RYR1: variants seen among roughly 807,000 people sequenced by gnomAD.
RYR1 encodes the protein central core disease of muscle.
In RYR1, 342 loss-of-function variants were observed where a neutral mutation model predicts 583.5. That is an observed-to-expected ratio of 0.59 (90% CI 0.54 to 0.64). RYR1 has a LOEUF of 0.64. RYR1 is among the 30% of genes least tolerant of loss of function. The probability of loss-of-function intolerance (pLI) is 0.00; values close to 1 mark genes in which losing one functional copy is unlikely to be tolerated. For synonymous variants in RYR1, 2,791 were observed against 2,822.5 expected, an observed-to-expected ratio of 0.99 and a Z score of 0.35; for missense variants, 6,032 against 6,917.2, an observed-to-expected ratio of 0.87 and a Z score of 4.54.
chr19:38,443,894 C>A, intron 5 of RYR1, 98 bp downstream of exon 5: 2 of 1,150,654 alleles, frequency 1.7e-6, no homozygotes, highest in South Asian at 1.2e-5. Flanking sequence ...ATGAGACTAC[C>A]CTGGGGACAT....
chr19:38,528,527 C>T (rs928072252), intron 74 of RYR1, 72 bp from the exon 75 acceptor site: 1 of 1,595,338 alleles, frequency 6.3e-7, no homozygotes, highest in African/African-American at 1.3e-5. Flanking sequence ...TGGTTGGGGG[C>T]TGCAGGCGCA....
Position 38,532,829 on chromosome 19 carries a change from C to T in RYR1, c.11259+93C>T. ...TTCAGCATGTGTTCACAGAGCAAAGCTCTGGGGACACAGCAGTGACCAAGT... is the reference window on the plus strand; with the variant it reads ...TTCAGCATGTGTTCACAGAGCAAAGTTCTGGGGACACAGCAGTGACCAAGT... On this transcript the variant is annotated intron_variant, in intron 78 of 105. Coordinates refer to ENST00000359596, the MANE Select transcript of RYR1 (RefSeq NM_000540.3). 4.5e-6 allele frequency: 6 copies of T among 1,338,612 alleles called. No homozygotes were observed. In the South Asian group the frequency reaches 6.1e-5, roughly 14 times the overall value. The allele number at this position is 1,338,612 out of a possible 1,614,324, so 82.9% of individuals were successfully genotyped here. A position where few individuals can be genotyped will look rare whatever the true frequency, so the allele number is the denominator to read the frequency against.
At chr19:38,505,480 C>G in intron 53 of RYR1, 82 bp downstream of exon 53, 1 of 998,744 alleles carries the variant, frequency 1.0e-6, no homozygotes, top group East Asian at 2.6e-5. Context: ...GAGGCAATTT[C>G]ACATGTTTGC....
Position 38,496,818 on chromosome 19 carries a change from C to CAAGCAGGAGTGAGAT in RYR1, c.6797-41_6797-27dup. The stretch of plus-strand genomic sequence containing the variant: ...GGAGGGCTTCCCAGAGGAGGCGAGA[C>CAAGCAGGAGTGAGAT]AAGCAGGAGTGAGATGTTCTCCCCA... On this transcript the variant is annotated intron_variant, in intron 41 of 105. Coordinates refer to ENST00000359596, the MANE Select transcript of RYR1 (RefSeq NM_000540.3). This position sits in a 1 kb window ranked among gnomAD's most constrained non-coding sequence, Gnocchi z 4.8. The CAAGCAGGAGTGAGAT allele has an allele frequency of 6.4e-7, 1 of 1,570,652 alleles. No individual in the cohort carries two copies. The highest frequency in any genetic ancestry group is 8.8e-7 in the Non-Finnish European group (1 of 1,141,300).
At chr19:38,456,496 G>A (rs1298639593) in intron 16 of RYR1, among the ~76,000 whole-genome samples, 4 of 151,532 alleles carry the variant, frequency 2.6e-5, no homozygotes, top group African/African-American at 9.7e-5. Flanking sequence ...TGGCCAGTCT[G>A]GTCTCGAACT....
rs1322835051 is a variant in RYR1 at position 38,458,047 on chromosome 19, G to T, written c.1926-4G>T. 1 of 1,613,144 alleles carries T rather than the reference G, an allele frequency of 6.2e-7. No individual in the cohort carries two copies. Among genetic ancestry groups the T allele is most frequent in the Non-Finnish European group, 8.5e-7 (1 of 1,179,976 alleles). ...CCCCCTCTCCTGTCCCATCTCTCCT[G>T]CAGCATCCGCCCCAACATCTTTGTG... On this transcript the variant is annotated splice_polypyrimidine_tract_variant and splice_region_variant and intron_variant, in intron 17 of 105. Transcript: ENST00000359596.
chr19:38,536,874 A>C (rs1314127927), intron 83 of RYR1, 107 bp downstream of exon 83: 14 of 1,255,274 alleles, frequency 1.1e-5, no homozygotes, highest in Non-Finnish European at 1.6e-5. Context: ...GAGGGGAGGG[A>C]GGGACCCTTC....
intron 48 of RYR1, 73 bp downstream of exon 48, chr19:38,502,800 G>T: frequency 1.9e-6 from 2 of 1,075,498 alleles, no homozygotes; most frequent in Non-Finnish European, 2.4e-6. Flanking sequence ...GGCAGGGGCA[G>T]GGGCAGGGGG....
In RYR1 at chr19:38,584,230, C is replaced by T. The variant is rs569586518; in HGVS notation, c.14647-713C>T. Among the ~76,000 whole-genome samples the T allele has an allele frequency of 2.5e-4, 38 of 150,556 alleles. 3 individuals carry two copies. The highest frequency in any genetic ancestry group is 1.5e-4 in the African/African-American group (6 of 40,860). On this transcript the variant is annotated intron_variant, in intron 101 of 105. Coordinates refer to ENST00000359596, the MANE Select transcript of RYR1 (RefSeq NM_000540.3). ...CAGCCTCGACCCTCTGCCTGTGCCC[C>T]TCCCATCCTCGCCCTCACCCTTCTG...
chr19:38,506,517 GGAA>G lies in RYR1; in HGVS notation c.8671_8673del (p.Lys2891del), dbSNP rs749625709. 3 of 1,614,070 alleles carry G rather than the reference GGAA, an allele frequency of 1.9e-6. No individual in the cohort carries two copies. The highest frequency in any genetic ancestry group is 2.2e-5 in the South Asian group (2 of 91,078). On this transcript the variant is annotated inframe_deletion, in exon 56 of 106. Coordinates refer to ENST00000359596, the MANE Select transcript of RYR1 (RefSeq NM_000540.3). ...GAAAATTACCACAACACGTGGGGAC[GGAA>G]GAAGAAGCAGGAGCTGGAAGCCAAA...
intron 101 of RYR1, among the ~76,000 whole-genome samples, chr19:38,583,215 T>A (rs180975051): frequency 1.3e-5 from 2 of 150,472 alleles, no homozygotes; most frequent in Non-Finnish European, 2.9e-5. Context: ...GAGAATCTCT[T>A]GAACCCCGGA....
Position 38,433,793 on chromosome 19 carries a change from C to A in RYR1, c.-37C>A. On this transcript the variant is annotated 5_prime_UTR_variant, in exon 1 of 106. Coordinates refer to ENST00000359596, the MANE Select transcript of RYR1 (RefSeq NM_000540.3). The stretch of plus-strand genomic sequence containing the variant: ...CAGCCCGCAGCCCCCTCCCTCTGTT[C>A]CCCGACCTCAGACCCTGGGCTTCCG... 3.1e-6 allele frequency: 3 copies of A among 955,952 alleles called. No individual in the cohort carries two copies. Among genetic ancestry groups the A allele is most frequent in the Non-Finnish European group, 4.2e-6 (3 of 714,360 alleles). 59.2% of individuals were successfully genotyped at this position (955,952 alleles called of 1,614,324 possible).
intron 16 of RYR1, among the ~76,000 whole-genome samples, chr19:38,456,447 A>G (rs1014359580): frequency 1.5e-4 from 23 of 149,574 alleles, no homozygotes; most frequent in African/African-American, 5.7e-4. Context: ...ACGCCCAGCT[A>G]ATTTTTGTAA....
At chr19:38,503,777 A>T (rs1217423574) in intron 49 of RYR1, among the ~76,000 whole-genome samples, 1 of 151,982 alleles carries the variant, frequency 6.6e-6, no homozygotes, top group Non-Finnish European at 1.5e-5. Context: ...CACCTCAAAA[A>T]AAAAAAAAAA....
intron 83 of RYR1, 119 bp from the exon 84 acceptor site, chr19:38,537,761 C>T (rs1477897571): frequency 5.1e-6 from 5 of 979,788 alleles, no homozygotes; most frequent in Non-Finnish European, 8.2e-6. Flanking sequence ...GCAGCTGCTC[C>T]TCCCAGCACC....
rs1298767005 is a variant in RYR1, at chr19:38,452,877, C to A, written c.1303C>A (p.Leu435Met). The change falls in exon 13 of 106, where the codon CTG becomes ATG. Residue 435 changes from leucine (L) to methionine (M), a missense_variant. Physicochemically the swap from Leu to Met is conservative, Grantham distance 15 (BLOSUM62 2). Coordinates refer to ENST00000359596, the MANE Select transcript of RYR1 (RefSeq NM_000540.3). ...RGSGPPAGTALPIEGVILSLQ... is the reference protein window; with the variant it reads ...RGSGPPAGTAMPIEGVILSLQ... The stretch of plus-strand genomic sequence containing the variant: ...CTCGGGGCCACCCGCTGGCACGGCG[C>A]TGCCCATCGAGGGCGTTATCCTGAG... 11 of 1,611,390 alleles carry A rather than the reference C, an allele frequency of 6.8e-6. No individual in the cohort carries two copies. The highest frequency in any genetic ancestry group is 9.3e-6 in the Non-Finnish European group (11 of 1,178,830).
Position 38,489,158 on chromosome 19 carries a change from C to T in RYR1, c.5548-19C>T, listed in dbSNP as rs375020048. 1 of 1,613,670 alleles carries T rather than the reference C, an allele frequency of 6.2e-7. No individual in the cohort carries two copies. The highest frequency in any genetic ancestry group is 8.5e-7 in the Non-Finnish European group (1 of 1,179,762). ...AGGCCTTGCAGGCCACAGTGAAGAACCGAGACTTTGTCCTGTAGGTGATGG... is the reference window on the plus strand; with the variant it reads ...AGGCCTTGCAGGCCACAGTGAAGAATCGAGACTTTGTCCTGTAGGTGATGG... On this transcript the variant is annotated intron_variant, in intron 34 of 105. Coordinates refer to ENST00000359596, the MANE Select transcript of RYR1 (RefSeq NM_000540.3).
At chr19:38,479,049 T>G (rs1363860192) in intron 31 of RYR1, among the ~76,000 whole-genome samples, 6 of 152,300 alleles carry the variant, frequency 3.9e-5, no homozygotes, top group African/African-American at 1.4e-4. Context: ...ATTACAGGCG[T>G]GAGCCACCAC....
chr19:38,502,462 C>T, intron 47 of RYR1, 45 bp from the exon 48 acceptor site: 1 of 1,557,182 alleles, frequency 6.4e-7, no homozygotes, highest in Non-Finnish European at 8.7e-7. Context: ...CCAGAGCAGC[C>T]CCAGGGGTGT....
Sources: allele counts gnomAD v4.1 joint callset (sites outside exome capture counted in the v4.1 genomes callset), GRCh38; gene constraint gnomAD v4.1.1; non-coding constraint Gnocchi (gnomAD v3.1); transcripts MANE v1.5; gene names NCBI Gene and HGNC (gene_info 2026-07-23, HGNC 2026-07-21).